Variants in SGCZ observed in about 807,000 individuals in gnomAD.
SGCZ encodes zeta-sarcoglycan.
Under a neutral mutation model 41.3 loss-of-function variants are expected in SGCZ, and 40 were observed. The ratio of observed to expected loss-of-function variants is 0.97; its 90% confidence interval spans 0.75 to 1.26. SGCZ has a LOEUF of 1.26. Among genes scored for constraint, SGCZ ranks in the 50% most tolerant of loss-of-function variants. The pLI is 0.00. For synonymous variants in SGCZ, 206 were observed against 137.5 expected (o/e 1.50, Z -3.49); for missense variants, 552 against 369.8 (o/e 1.49, Z -4.04).
chr8:14,108,317 C>T (rs1270610935), intron 5 of SGCZ, 82 bp from the exon 6 acceptor site: 5 of 1,275,646 alleles, frequency 3.9e-6, no homozygotes, highest in Non-Finnish European at 5.6e-6. Flanking sequence ...ATCAAATATT[C>T]TTCCAAAACA....
chr8:14,557,478 C>G (rs370754148), intron 1 of SGCZ, among the ~76,000 whole-genome samples: 3 of 152,016 alleles, frequency 2.0e-5, no homozygotes, highest in South Asian at 2.1e-4. Context: ...CTTTTGGGCT[C>G]TTAGTCATGA....
chr8:15,007,673 C>T (rs973312712), intron 1 of SGCZ, among the ~76,000 whole-genome samples: 7 of 152,102 alleles, frequency 4.6e-5, no homozygotes, highest in Middle Eastern at 3.4e-3. Context: ...GGAAAAAGAA[C>T]GCATTTAAAT....
intron 1 of SGCZ, among the ~76,000 whole-genome samples, chr8:15,095,617 T>C (rs1327601217): frequency 2.0e-5 from 3 of 152,120 alleles, no homozygotes; most frequent in Admixed American, 1.3e-4. Flanking sequence ...AAAAGAAATA[T>C]ACCCTCTGAA....
chr8:14,901,501 C>G (rs183189562), intron 1 of SGCZ, among the ~76,000 whole-genome samples: 9 of 152,120 alleles, frequency 5.9e-5, no homozygotes, highest in Admixed American at 1.3e-4. Flanking sequence ...AAAAATGTAT[C>G]TGATTTGAGA....
At chr8:14,706,030 A>G (rs1011431553) in intron 1 of SGCZ, among the ~76,000 whole-genome samples, 4 of 152,010 alleles carry the variant, frequency 2.6e-5, no homozygotes, top group African/African-American at 9.7e-5. Context: ...ACAAAATATA[A>G]AAGAAATTTA....
intron 1 of SGCZ, among the ~76,000 whole-genome samples, chr8:15,215,051 A>G (rs1202642713): frequency 2.0e-5 from 3 of 152,184 alleles, no homozygotes; most frequent in African/African-American, 7.2e-5. Flanking sequence ...ATCTTTTAAC[A>G]TTTAATCTTG....
chr8:14,534,037 G>A (rs1426467234), intron 2 of SGCZ, among the ~76,000 whole-genome samples: 2 of 152,016 alleles, frequency 1.3e-5, no homozygotes, highest in Non-Finnish European at 2.9e-5. Context: ...AAACTCTACA[G>A]GAGCTGCAGC....
chr8:14,644,691 A>G (rs72607326), intron 1 of SGCZ, among the ~76,000 whole-genome samples: 28,973 of 151,534 alleles, frequency 0.19, 3,257 homozygotes, highest in East Asian at 0.58. Flanking sequence ...CAAAATTTTA[A>G]GAGACCAGCC....
chr8:14,762,883 G>A (rs1349815967), intron 1 of SGCZ, among the ~76,000 whole-genome samples: 1 of 152,100 alleles, frequency 6.6e-6, no homozygotes, highest in African/African-American at 2.4e-5. Context: ...CATAGGGTTT[G>A]GAGTTAGATA....
intron 1 of SGCZ, among the ~76,000 whole-genome samples, chr8:15,083,057 C>T (rs1416869516): frequency 6.6e-6 from 1 of 152,036 alleles, no homozygotes; most frequent in African/African-American, 2.4e-5. Context: ...AGCTTATGAA[C>T]TAATAGTCGT....
intron 1 of SGCZ, among the ~76,000 whole-genome samples, chr8:14,625,238 T>G (rs1183703982): frequency 6.6e-6 from 1 of 152,186 alleles, no homozygotes; most frequent in Non-Finnish European, 1.5e-5. Context: ...CTACAATAAA[T>G]CTTCATTAAA....
chr8:14,727,852 A>T (rs1426088166), intron 1 of SGCZ, among the ~76,000 whole-genome samples: 1 of 152,184 alleles, frequency 6.6e-6, no homozygotes, highest in Non-Finnish European at 1.5e-5. Context: ...AAAGAAATTC[A>T]TATGTCCATC....
chr8:14,924,751 A>G (rs1301801967), intron 1 of SGCZ, among the ~76,000 whole-genome samples: 1 of 152,220 alleles, frequency 6.6e-6, no homozygotes, highest in East Asian at 1.9e-4. Context: ...GAGGCTAAAA[A>G]ACACAAAATG....
intron 4 of SGCZ, among the ~76,000 whole-genome samples, chr8:14,183,407 G>T (rs537894518): frequency 6.6e-6 from 1 of 152,146 alleles, no homozygotes; most frequent in East Asian, 1.9e-4. Context: ...ATTTCATGAG[G>T]TTAGTAGAAT....
chr8:14,458,932 G>A (rs143833736), intron 2 of SGCZ, among the ~76,000 whole-genome samples: 269 of 152,206 alleles, frequency 1.8e-3, no homozygotes, highest in African/African-American at 6.2e-3. Context: ...GATGAGCCTC[G>A]AAATTAAGGT....
intron 1 of SGCZ, among the ~76,000 whole-genome samples, chr8:15,173,116 A>G (rs1799893756): frequency 6.6e-6 from 1 of 152,234 alleles, no homozygotes; most frequent in African/African-American, 2.4e-5. Context: ...CAGTAAATCC[A>G]GTATTGAAAA....
At chr8:14,327,875 G>A (rs765311957) in intron 2 of SGCZ, among the ~76,000 whole-genome samples, 2 of 152,110 alleles carry the variant, frequency 1.3e-5, no homozygotes, top group African/African-American at 2.4e-5. Context: ...CCACCTCCCA[G>A]GTTCAAGTGA....
intron 1 of SGCZ, among the ~76,000 whole-genome samples, chr8:15,020,800 C>G (rs771962692): frequency 6.6e-6 from 1 of 152,184 alleles, no homozygotes; most frequent in South Asian, 2.1e-4. Flanking sequence ...TTTAAACTAT[C>G]CACACTTGTG....
At chr8:14,523,565 G>A (rs1409748316) in intron 2 of SGCZ, among the ~76,000 whole-genome samples, 2 of 151,988 alleles carry the variant, frequency 1.3e-5, no homozygotes, top group Admixed American at 6.6e-5. Context: ...CAGATAAGGT[G>A]TTATTTCCCT....
Sources: gnomAD v4.1 joint callset for allele counts (sites outside exome capture counted in the v4.1 genomes callset) on GRCh38, gnomAD v4.1.1 for gene constraint, MANE v1.5 for transcripts, NCBI Gene and HGNC (gene_info 2026-07-23, HGNC 2026-07-21) for gene names.